EPHB1: variants seen among roughly 807,000 people sequenced by gnomAD.
EPHB1 encodes the protein EPH receptor B1, also known as ephrin type-B receptor 1.
Under a neutral mutation model 94.4 loss-of-function variants are expected in EPHB1, and 30 were observed. The ratio of observed to expected loss-of-function variants is 0.32; its 90% CI spans 0.24 to 0.43. EPHB1 has a LOEUF of 0.43. Ranked by LOEUF, EPHB1 falls within the 20% of genes least tolerant of loss-of-function variation. The probability of loss-of-function intolerance (pLI) is 1.00; values close to 1 mark genes in which losing one functional copy is unlikely to be tolerated. For synonymous variants in EPHB1, 522 were observed against 489.1 expected, an observed-to-expected ratio of 1.07 and a Z score of -0.89; for missense variants, 1,055 against 1,308.3, an observed-to-expected ratio of 0.81 and a Z score of 2.99.
chr3:135,115,598 A>G (rs963376074), intron 4 of EPHB1, among the ~76,000 whole-genome samples: 1 of 151,818 alleles, frequency 6.6e-6, no homozygotes, highest in Non-Finnish European at 1.5e-5. Context: ...AATCTGCTTC[A>G]TGACCTTACA....
intron 3 of EPHB1, among the ~76,000 whole-genome samples, chr3:135,098,247 A>G (rs1938881019): frequency 1.3e-5 from 2 of 152,212 alleles, no homozygotes. Flanking sequence ...AGTCATGTAT[A>G]TGTAATACAA....
At chr3:135,158,764 CT>C (rs1489652150) in intron 6 of EPHB1, among the ~76,000 whole-genome samples, 1 of 152,116 alleles carries the variant, frequency 6.6e-6, no homozygotes, top group Non-Finnish European at 1.5e-5. Context: ...GCACTTTTCA[CT>C]CCTGGTGTCA....
At chr3:134,899,853 A>G (rs556197668) in intron 1 of EPHB1, among the ~76,000 whole-genome samples, 38 of 152,276 alleles carry the variant, frequency 2.5e-4, no homozygotes, top group Middle Eastern at 3.4e-3. Context: ...CTTCTCCAGG[A>G]AAAGGGCTTT....
At chr3:135,120,456 T>C (rs1017059831) in intron 4 of EPHB1, among the ~76,000 whole-genome samples, 1 of 152,182 alleles carries the variant, frequency 6.6e-6, no homozygotes, top group Non-Finnish European at 1.5e-5. Flanking sequence ...GCATCTTGTG[T>C]TAGTGGACAT....
intron 3 of EPHB1, among the ~76,000 whole-genome samples, chr3:135,016,298 T>G (rs1034081327): frequency 6.6e-6 from 1 of 152,084 alleles, no homozygotes; most frequent in East Asian, 1.9e-4. Context: ...ATGATAGGGG[T>G]GTGTGGTTTC....
chr3:134,838,704 A>G (rs1215710243), intron 1 of EPHB1, among the ~76,000 whole-genome samples: 1 of 152,244 alleles, frequency 6.6e-6, no homozygotes, highest in Non-Finnish European at 1.5e-5. Flanking sequence ...TTGAAAATTA[A>G]TATCTGGAAA....
rs562570016 is a variant in EPHB1 at position 134,803,128 on chromosome 3, C to A, written c.58+7439C>A. On this transcript the variant is annotated intron_variant, in intron 1 of 15. Coordinates refer to ENST00000398015, the MANE Select transcript of EPHB1 (RefSeq NM_004441.5). ...CAGAGTTCTCTGTAACAGAACTGGG[C>A]CAATGTGGAAACACATAGGAGATTT... Among the ~76,000 whole-genome samples, 4 of 152,256 alleles carry A rather than the reference C, an allele frequency of 2.6e-5. No individual in the cohort carries two copies. In the South Asian group the frequency reaches 8.3e-4, roughly 32 times the overall value.
At chr3:135,133,133 C>T (rs1940483046) in intron 5 of EPHB1, 84 bp downstream of exon 5, 1 of 1,341,484 alleles carries the variant, frequency 7.5e-7, no homozygotes, top group Non-Finnish European at 1.0e-6. Context: ...CAGCCACACC[C>T]ATCCTGCCCG....
chr3:135,029,361 C>G (rs1281677484), intron 3 of EPHB1, among the ~76,000 whole-genome samples: 8 of 151,836 alleles, frequency 5.3e-5, no homozygotes, highest in Non-Finnish European at 7.4e-5. Flanking sequence ...GCAGCTGGTA[C>G]TGGTTGTTCC....
At chr3:134,871,719 T>C (rs1186317932) in intron 1 of EPHB1, among the ~76,000 whole-genome samples, 2 of 152,162 alleles carry the variant, frequency 1.3e-5, no homozygotes, top group African/African-American at 2.4e-5. Context: ...CTTCACTCAC[T>C]GCAAACACGT....
chr3:134,972,230 T>C (rs1933997014), intron 3 of EPHB1, among the ~76,000 whole-genome samples: 1 of 151,792 alleles, frequency 6.6e-6, no homozygotes, highest in African/African-American at 2.4e-5. Flanking sequence ...TTCTTTTCCT[T>C]CTCCTTCAGA....
At chr3:135,039,925 G>A (rs905171128) in intron 3 of EPHB1, among the ~76,000 whole-genome samples, 25 of 152,200 alleles carry the variant, frequency 1.6e-4, no homozygotes, top group African/African-American at 1.4e-4. Flanking sequence ...GCCCAGGCAG[G>A]GGAGGTGCCG....
chr3:135,066,375 T>C (rs1937580547), intron 3 of EPHB1, among the ~76,000 whole-genome samples: 1 of 152,232 alleles, frequency 6.6e-6, no homozygotes, highest in Non-Finnish European at 1.5e-5. Flanking sequence ...CCCAAACTTC[T>C]TGGAGGCTTT....
intron 1 of EPHB1, among the ~76,000 whole-genome samples, chr3:134,801,762 G>A (rs1560239153): frequency 1.3e-5 from 2 of 152,178 alleles, no homozygotes; most frequent in African/African-American, 4.8e-5. Flanking sequence ...GGGCCCTTGG[G>A]TCAGAGTGCT....
At chr3:135,131,514 G>C (rs1463571158) in intron 4 of EPHB1, among the ~76,000 whole-genome samples, 2 of 152,156 alleles carry the variant, frequency 1.3e-5, no homozygotes, top group African/African-American at 4.8e-5. Flanking sequence ...CATTCGAAAG[G>C]GGGGCTTCCG....
Position 134,925,813 on chromosome 3 carries a change from C to T in EPHB1, c.59-3C>T, listed in dbSNP as rs2107702166. 1 of 1,590,494 alleles carries T rather than the reference C, an allele frequency of 6.3e-7. No homozygotes were observed. The highest frequency in any genetic ancestry group is 2.3e-5 in the East Asian group (1 of 43,914). On this transcript the variant is annotated splice_polypyrimidine_tract_variant and splice_region_variant and intron_variant, in intron 1 of 15. Coordinates refer to ENST00000398015, the MANE Select transcript of EPHB1 (RefSeq NM_004441.5). ...TTATTCGTTTTTTCTTTTTAATCTACAGAAACGTTAATGGACACCAGAACG... is the reference window on the plus strand; with the variant it reads ...TTATTCGTTTTTTCTTTTTAATCTATAGAAACGTTAATGGACACCAGAACG...
intron 1 of EPHB1, among the ~76,000 whole-genome samples, chr3:134,892,648 T>G (rs1424206515): frequency 6.7e-6 from 1 of 149,204 alleles, no homozygotes; most frequent in African/African-American, 2.6e-5. Flanking sequence ...TAGGAGTCTT[T>G]TCTTTTTCTT....
At chr3:135,141,256 C>A (rs2107690322) in intron 5 of EPHB1, among the ~76,000 whole-genome samples, 1 of 151,898 alleles carries the variant, frequency 6.6e-6, no homozygotes, top group East Asian at 1.9e-4. Flanking sequence ...CGCATCTGCC[C>A]TGTAGAAACG....
intron 12 of EPHB1, among the ~76,000 whole-genome samples, chr3:135,222,386 G>A (rs921265440): frequency 3.3e-5 from 5 of 152,144 alleles, no homozygotes; most frequent in African/African-American, 1.2e-4. Flanking sequence ...TTGGTAAATG[G>A]GGGAGTGATG....
Sources: gnomAD v4.1 joint callset for allele counts (sites outside exome capture counted in the v4.1 genomes callset) on GRCh38, gnomAD v4.1.1 for gene constraint, MANE v1.5 for transcripts, NCBI Gene and HGNC (gene_info 2026-07-23, HGNC 2026-07-21) for gene names.